The following NEGR1 variants were observed in gnomAD, a reference collection of about 807,000 sequenced individuals.
The protein encoded by NEGR1 is neuronal growth regulator 1.
Under a neutral mutation model 40.9 loss-of-function variants are expected in NEGR1, and 10 were observed. That is an observed-to-expected ratio of 0.24 (90% CI 0.15 to 0.42). The LOEUF (loss-of-function observed/expected upper bound fraction) is 0.42. NEGR1 is among the 10% of genes least tolerant of loss of function. The pLI, the probability that NEGR1 is intolerant of heterozygous loss-of-function variation, is 1.00. For synonymous variants in NEGR1, 185 were observed against 166.8 expected (o/e 1.11, Z -0.84); for missense variants, 352 against 438.9 (o/e 0.80, Z 1.77).
At chr1:71,555,392 C>T (rs1436004777) in intron 6 of NEGR1, among the ~76,000 whole-genome samples, 1 of 151,474 alleles carries the variant, frequency 6.6e-6, no homozygotes, top group African/African-American at 2.4e-5. Context: ...CCCTTCCTGC[C>T]CTATAGGGTA....
intron 6 of NEGR1, among the ~76,000 whole-genome samples, chr1:71,412,626 T>A (rs549376384): frequency 3.3e-5 from 5 of 152,312 alleles, no homozygotes; most frequent in South Asian, 2.1e-4. Flanking sequence ...CTATCCTATT[T>A]TAATAGTTGT....
Position 72,151,960 on chromosome 1 carries a change from T to C in NEGR1, c.176+130359A>G, listed in dbSNP as rs534652337. Among the ~76,000 whole-genome samples, 22 of 151,948 alleles carry C rather than the reference T, an allele frequency of 1.4e-4. No individual in the cohort carries two copies. In the East Asian group the frequency reaches 3.9e-3, roughly 27 times the overall value. ...AGTAGAATATTTGGATTTGTTTCTC[T>C]TAATATGGATGCTCTATTAAAATAA... is the stretch of plus-strand genomic sequence containing the variant. On this transcript the variant is annotated intron_variant, in intron 1 of 6. Coordinates refer to ENST00000357731, the MANE Select transcript of NEGR1 (RefSeq NM_173808.3).
chr1:71,440,208 C>G (rs966345403), intron 6 of NEGR1, among the ~76,000 whole-genome samples: 11 of 152,112 alleles, frequency 7.2e-5, no homozygotes, highest in Non-Finnish European at 2.9e-5. Context: ...TAAATCAGTA[C>G]ATTTTGTTAG....
At chr1:71,513,748 G>T (rs115567665) in intron 6 of NEGR1, among the ~76,000 whole-genome samples, 15 of 152,080 alleles carry the variant, frequency 9.9e-5, no homozygotes, top group Admixed American at 2.6e-4. Context: ...GAACAGCTCC[G>T]GTCTACAGCT....
At chr1:71,950,694 C>G (rs1229922611) in intron 1 of NEGR1, among the ~76,000 whole-genome samples, 2 of 151,936 alleles carry the variant, frequency 1.3e-5, no homozygotes, top group Non-Finnish European at 2.9e-5. Flanking sequence ...TTGTAAAAGC[C>G]ATGTTAGGAA....
intron 5 of NEGR1, among the ~76,000 whole-genome samples, chr1:71,606,128 T>C (rs1228111765): frequency 2.0e-5 from 3 of 152,198 alleles, no homozygotes; most frequent in African/African-American, 4.8e-5. Context: ...TTTCCCCATA[T>C]AGCTAATAAT....
At chr1:71,425,695 ATAAC>A (rs1213734906) in intron 6 of NEGR1, among the ~76,000 whole-genome samples, 1 of 152,176 alleles carries the variant, frequency 6.6e-6, no homozygotes, top group African/African-American at 2.4e-5. Flanking sequence ...TTCTCAATGA[ATAAC>A]TAATCCTGGG....
intron 2 of NEGR1, among the ~76,000 whole-genome samples, chr1:71,919,752 G>C (rs1434355973): frequency 6.6e-6 from 1 of 152,086 alleles, no homozygotes; most frequent in Admixed American, 6.5e-5. Flanking sequence ...GCCTAGGTTC[G>C]AGTTTGAGGA....
intron 2 of NEGR1, among the ~76,000 whole-genome samples, chr1:71,808,299 T>C (rs888503539): frequency 3.3e-4 from 51 of 152,338 alleles, no homozygotes; most frequent in African/African-American, 1.2e-3. Context: ...CTTCAGTATC[T>C]ACTAAGGATT....
At chr1:72,133,842 AT>A (rs1650347319) in intron 1 of NEGR1, among the ~76,000 whole-genome samples, 1 of 151,800 alleles carries the variant, frequency 6.6e-6, no homozygotes, top group South Asian at 2.1e-4. Flanking sequence ...ATAAAAGTAA[AT>A]TTCATATGAA....
chr1:71,686,699 T>C (rs535826943), intron 4 of NEGR1, among the ~76,000 whole-genome samples: 1 of 152,304 alleles, frequency 6.6e-6, no homozygotes, highest in South Asian at 2.1e-4. Flanking sequence ...AAATTACCTT[T>C]ACCCCATTGA....
chr1:71,759,051 TG>T (rs1655843182), intron 3 of NEGR1, among the ~76,000 whole-genome samples: 1 of 152,152 alleles, frequency 6.6e-6, no homozygotes, highest in African/African-American at 2.4e-5. Flanking sequence ...CTAGTTACTA[TG>T]TGCTAACCTA....
chr1:71,566,040 T>A (rs1648609818), intron 6 of NEGR1, among the ~76,000 whole-genome samples: 1 of 151,992 alleles, frequency 6.6e-6, no homozygotes. Context: ...TGCTGACATC[T>A]ACCACAGGCT....
At chr1:71,652,738 G>A (rs544677799) in intron 4 of NEGR1, among the ~76,000 whole-genome samples, 4 of 152,036 alleles carry the variant, frequency 2.6e-5, no homozygotes, top group South Asian at 4.2e-4. Context: ...GGTGGTGTGC[G>A]CTGTAGTCCA....
chr1:72,094,576 G>A (rs1417043461), intron 1 of NEGR1, among the ~76,000 whole-genome samples: 1 of 152,160 alleles, frequency 6.6e-6, no homozygotes, highest in Non-Finnish European at 1.5e-5. Context: ...AATTCAGAGA[G>A]ACTGGTGATT....
chr1:71,820,379 C>T (rs918018401), intron 2 of NEGR1, among the ~76,000 whole-genome samples: 1 of 151,960 alleles, frequency 6.6e-6, no homozygotes, highest in African/African-American at 2.4e-5. Flanking sequence ...GGAGTAAGGA[C>T]TCCACAATTA....
chr1:71,814,748 C>T (rs549612552), intron 2 of NEGR1, among the ~76,000 whole-genome samples: 17 of 151,942 alleles, frequency 1.1e-4, no homozygotes, highest in South Asian at 8.3e-4. Context: ...CTGTGGGGTC[C>T]GTGGTGATAT....
At chr1:72,211,343 G>T (rs1378373828) in intron 1 of NEGR1, among the ~76,000 whole-genome samples, 2 of 151,636 alleles carry the variant, frequency 1.3e-5, no homozygotes, top group African/African-American at 2.4e-5. Flanking sequence ...CCTTTATAAA[G>T]GCTTTTTTCT....
chr1:71,567,740 G>A (rs893893462), intron 6 of NEGR1, among the ~76,000 whole-genome samples: 1 of 152,042 alleles, frequency 6.6e-6, no homozygotes, highest in African/African-American at 2.4e-5. Context: ...AAATTTGTAT[G>A]TTGAAATTCT....
Sources: gnomAD v4.1 joint callset for allele counts (sites outside exome capture counted in the v4.1 genomes callset) on GRCh38, gnomAD v4.1.1 for gene constraint, MANE v1.5 for transcripts, NCBI Gene and HGNC (gene_info 2026-07-23, HGNC 2026-07-21) for gene names.